Variants in ZNF385D observed in about 807,000 individuals in gnomAD.
ZNF385D encodes the protein zinc finger protein 385D.
In ZNF385D, 15 loss-of-function variants were observed where a neutral mutation model predicts 35.8. The observed-to-expected ratio is 0.42, with a 90% CI of 0.28 to 0.64. The LOEUF (loss-of-function observed/expected upper bound fraction) is 0.64. Among genes scored for constraint, ZNF385D ranks in the 30% least tolerant of loss-of-function variants. The pLI is 0.23. For synonymous variants in ZNF385D, 212 were observed against 186.8 expected (o/e 1.13, Z -1.10); for missense variants, 474 against 494.6 (o/e 0.96, Z 0.39).
At chr3:22,227,893 C>G (rs1438118850) in intron 2 of ZNF385D, among the ~76,000 whole-genome samples, 1 of 152,224 alleles carries the variant, frequency 6.6e-6, no homozygotes, top group Non-Finnish European at 1.5e-5. Flanking sequence ...TGAGGTAGCT[C>G]TGCTCTGCAA....
intron 3 of ZNF385D, among the ~76,000 whole-genome samples, chr3:22,146,115 C>T (rs533854053): frequency 1.3e-5 from 2 of 152,086 alleles, no homozygotes; most frequent in East Asian, 3.9e-4. Flanking sequence ...ACAAGTACTT[C>T]AGGAGTCATG....
chr3:22,314,017 G>C (rs1703743506), intron 2 of ZNF385D, among the ~76,000 whole-genome samples: 1 of 152,122 alleles, frequency 6.6e-6, no homozygotes. Context: ...TTCTGGAAAT[G>C]GCAGTGCTTC....
intron 3 of ZNF385D, among the ~76,000 whole-genome samples, chr3:22,165,822 G>C (rs768375177): frequency 1.3e-5 from 2 of 151,902 alleles, no homozygotes; most frequent in African/African-American, 2.4e-5. Flanking sequence ...CACAGGCCAG[G>C]GTCCTTAGAA....
At chr3:21,610,265 C>T (rs2064629416) in intron 2 of ZNF385D, among the ~76,000 whole-genome samples, 1 of 151,986 alleles carries the variant, frequency 6.6e-6, no homozygotes, top group Non-Finnish European at 1.5e-5. Flanking sequence ...CATATAAGAA[C>T]ACGAATACAA....
rs374604736 is a variant in ZNF385D at position 22,138,617 on chromosome 3, T to G, written c.325+30200A>C. 9.5e-3 allele frequency among the ~76,000 whole-genome samples: 1,436 copies of G among 151,598 alleles called. 18 individuals carry two copies. Among genetic ancestry groups the G allele is most frequent in the African/African-American group, 0.026 (1,076 of 41,200 alleles). The stretch of plus-strand genomic sequence containing the variant: ...GCTGGGAAAACTGGCTAGCTATATG[T>G]AGAAAGCTGAAACTGGATCCCTTCC... On this transcript the variant is annotated intron_variant, in intron 3 of 5. Transcript: ENST00000494108.
chr3:21,877,028 GC>G (rs1252090581), intron 3 of ZNF385D, among the ~76,000 whole-genome samples: 1 of 152,036 alleles, frequency 6.6e-6, no homozygotes, highest in Admixed American at 6.6e-5. Flanking sequence ...TGATCCATTT[GC>G]TTTTGCAGTA....
At chr3:21,917,230 G>A (rs944850114) in intron 3 of ZNF385D, among the ~76,000 whole-genome samples, 1 of 152,128 alleles carries the variant, frequency 6.6e-6, no homozygotes, top group African/African-American at 2.4e-5. Flanking sequence ...TCAGGAGTTT[G>A]AGGCCAGCCT....
intron 3 of ZNF385D, among the ~76,000 whole-genome samples, chr3:22,140,380 TA>T (rs1257494991): frequency 3.3e-5 from 5 of 152,138 alleles, no homozygotes; most frequent in Admixed American, 2.6e-4. Flanking sequence ...ATGACAAAAT[TA>T]TAGCAATGGG....
chr3:22,360,777 A>T lies in ZNF385D; in HGVS notation c.106+11673T>A, dbSNP rs181305882. On this transcript the variant is annotated intron_variant, in intron 2 of 5. Transcript: ENST00000494108. The stretch of plus-strand genomic sequence containing the variant: ...TTAGAAACCAAGAAACAACGCTTCA[A>T]CTTTAATGTTTAGACTCTCCTTTAG... 1.3e-4 allele frequency among the ~76,000 whole-genome samples: 20 copies of T among 152,166 alleles called. No homozygotes were observed. The East Asian group carries it at 3.9e-3, about 29-fold the overall frequency.
At position 21,699,964 on chromosome 3, in the gene ZNF385D, T is replaced by C. The variant is rs989316797; in HGVS notation, c.23-34936A>G. On this transcript the variant is annotated intron_variant, in intron 1 of 7. Coordinates refer to ENST00000281523, the MANE Select transcript of ZNF385D (RefSeq NM_024697.3). ...CTCTTGTCTCGGCCTCCCAAGTAGC[T>C]GGGATTACAGGTGCATGCCACCATG... Among the ~76,000 whole-genome samples the C allele has an allele frequency of 2.0e-5, 3 of 151,808 alleles. No homozygotes were observed. The East Asian group carries it at 5.8e-4, about 30-fold the overall frequency.
At chr3:21,443,224 G>A (rs1213662296) in intron 4 of ZNF385D, 3 of 985,234 alleles carry the variant, frequency 3.0e-6, no homozygotes, top group Admixed American at 1.2e-4. Context: ...TTTGGGCACT[G>A]CTTCCGCTCT....
intron 2 of ZNF385D, among the ~76,000 whole-genome samples, chr3:22,288,509 T>TTTTTTC (rs997507157): frequency 1.1e-4 from 17 of 152,112 alleles, no homozygotes; most frequent in African/African-American, 4.1e-4. Flanking sequence ...TTTTGCTTAA[T>TTTTTTC]CCATCCTGCA....
At chr3:21,471,544 ATTTATGGTGGAAACAG>A (rs1703901959) in intron 4 of ZNF385D, among the ~76,000 whole-genome samples, 1 of 152,168 alleles carries the variant, frequency 6.6e-6, no homozygotes, top group Non-Finnish European at 1.5e-5. Context: ...AGCCTACATT[ATTTATGGTGGAAACAG>A]TTCTGTTAAT....
At chr3:22,137,463 C>G (rs144402141) in intron 3 of ZNF385D, among the ~76,000 whole-genome samples, 7 of 152,138 alleles carry the variant, frequency 4.6e-5, no homozygotes, top group African/African-American at 1.7e-4. Flanking sequence ...CATCAAAAAG[C>G]TTATCCACCA....
At chr3:21,427,289 T>C (rs1289311249) in intron 5 of ZNF385D, among the ~76,000 whole-genome samples, 1 of 152,240 alleles carries the variant, frequency 6.6e-6, no homozygotes, top group African/African-American at 2.4e-5. Context: ...AAAATGTTTC[T>C]ATGCAGCTCC....
At chr3:22,077,778 A>T (rs1700539878) in intron 3 of ZNF385D, among the ~76,000 whole-genome samples, 1 of 151,984 alleles carries the variant, frequency 6.6e-6, no homozygotes, top group Non-Finnish European at 1.5e-5. Context: ...CAACAAAAGA[A>T]ATGGGAGAAA....
At chr3:21,722,116 A>G (rs546182172) in intron 1 of ZNF385D, among the ~76,000 whole-genome samples, 9,433 of 147,448 alleles carry the variant, frequency 0.064, 686 homozygotes, top group African/African-American at 0.18. Context: ...AAAAAAAAAA[A>G]AGAGGTATTT....
chr3:22,256,299 T>G (rs1451222192), intron 2 of ZNF385D, among the ~76,000 whole-genome samples: 5 of 151,212 alleles, frequency 3.3e-5, no homozygotes, highest in Non-Finnish European at 5.9e-5. Context: ...AATACACTAA[T>G]CTATAAGGGT....
At chr3:21,687,317 T>C (rs969028086) in intron 1 of ZNF385D, among the ~76,000 whole-genome samples, 2 of 152,202 alleles carry the variant, frequency 1.3e-5, no homozygotes, top group African/African-American at 4.8e-5. Context: ...AATAACATTG[T>C]TATCGTGTAA....
Sources: gnomAD v4.1 joint callset for allele counts (sites outside exome capture counted in the v4.1 genomes callset) on GRCh38, gnomAD v4.1.1 for gene constraint, MANE v1.5 for transcripts, NCBI Gene and HGNC (gene_info 2026-07-23, HGNC 2026-07-21) for gene names.